PXDNL: variants seen among roughly 807,000 people sequenced by gnomAD.
The protein encoded by PXDNL is peroxidasin like.
In PXDNL, 145 loss-of-function variants were observed where a neutral mutation model predicts 150.8. That is an observed-to-expected ratio of 0.96 (90% CI 0.84 to 1.10). PXDNL has a LOEUF of 1.10. Among genes scored for constraint, PXDNL ranks in the 50% least tolerant of loss-of-function variants. The pLI is 0.00. For synonymous variants in PXDNL, 757 were observed against 725.7 expected, an observed-to-expected ratio of 1.04 and a Z score of -0.69; for missense variants, 2,087 against 1,873.9, an observed-to-expected ratio of 1.11 and a Z score of -2.10.
chr8:51,724,267 A>C (rs1162371620), intron 1 of PXDNL, among the ~76,000 whole-genome samples: 1 of 152,146 alleles, frequency 6.6e-6, no homozygotes, highest in Non-Finnish European at 1.5e-5. Flanking sequence ...GCGTATGTAG[A>C]GAAAGGATCC....
At chr8:51,758,767 A>G (rs934858998) in intron 1 of PXDNL, among the ~76,000 whole-genome samples, 1 of 152,184 alleles carries the variant, frequency 6.6e-6, no homozygotes, top group African/African-American at 2.4e-5. Flanking sequence ...CTGTGAGTCA[A>G]TTAAACCTCT....
chr8:51,354,429 T>C lies in PXDNL; in HGVS notation c.3902-8482A>G, dbSNP rs1027511744. Among the ~76,000 whole-genome samples the C allele has an allele frequency of 5.9e-5, 9 of 152,200 alleles. No individual in the cohort carries two copies. The East Asian group carries it at 1.2e-3, about 20-fold the overall frequency. On this transcript the variant is annotated intron_variant, in intron 19 of 22. Transcript: ENST00000356297. ...TGCACCTGCAATGCCTAAAGTATTA[T>C]GCGAACACTCTTGATCCTACTGATT...
chr8:51,741,730 A>G (rs1327685566), intron 1 of PXDNL, among the ~76,000 whole-genome samples: 1 of 152,218 alleles, frequency 6.6e-6, no homozygotes, highest in Non-Finnish European at 1.5e-5. Context: ...ATTAAAATAA[A>G]AGATTGTAGT....
chr8:51,761,568 T>G (rs913364148), intron 1 of PXDNL, among the ~76,000 whole-genome samples: 4 of 152,308 alleles, frequency 2.6e-5, no homozygotes, highest in African/African-American at 9.6e-5. Flanking sequence ...TAACGTATAT[T>G]TACAACAAAA....
At chr8:51,626,099 A>G (rs1814355937) in intron 2 of PXDNL, among the ~76,000 whole-genome samples, 1 of 152,230 alleles carries the variant, frequency 6.6e-6, no homozygotes, top group African/African-American at 2.4e-5. Context: ...GCTAATCACC[A>G]CTATCAAATG....
chr8:51,508,576 C>T (rs2130330887), intron 4 of PXDNL, among the ~76,000 whole-genome samples: 1 of 152,304 alleles, frequency 6.6e-6, no homozygotes, highest in Non-Finnish European at 1.5e-5. Flanking sequence ...CCTTCTCTTT[C>T]CCCAGCCTCC....
intron 1 of PXDNL, among the ~76,000 whole-genome samples, chr8:51,807,088 G>GTC (rs2037684706): frequency 6.6e-6 from 1 of 151,746 alleles, no homozygotes; most frequent in African/African-American, 2.4e-5. Context: ...AACCAATAGG[G>GTC]TGAAGAGTGC....
At chr8:51,389,091 G>T (rs1348563709) in intron 17 of PXDNL, among the ~76,000 whole-genome samples, 1 of 151,774 alleles carries the variant, frequency 6.6e-6, no homozygotes, top group African/African-American at 2.4e-5. Flanking sequence ...CTACATATTT[G>T]CTGAAATGAA....
At chr8:51,364,053 T>C (rs1806836592) in intron 19 of PXDNL, among the ~76,000 whole-genome samples, 1 of 152,226 alleles carries the variant, frequency 6.6e-6, no homozygotes, top group Admixed American at 6.5e-5. Context: ...AGTTGACACC[T>C]TTATTATGTC....
At position 51,374,658 on chromosome 8, in the gene PXDNL, C is replaced by T. The variant is rs770475288; in HGVS notation, c.3631G>A (p.Val1211Met). The T allele has an allele frequency of 9.9e-6, 16 of 1,613,916 alleles. No individual in the cohort carries two copies. Among genetic ancestry groups the T allele is most frequent in the Admixed American group, 3.3e-5 (2 of 60,018 alleles). Residue 1211 changes from valine (V) to methionine (M), a missense_variant, in exon 18 of 23, where the codon GTG becomes ATG. Physicochemically the swap from Val to Met is conservative, Grantham distance 21. Coordinates refer to ENST00000356297, the MANE Select transcript of PXDNL (RefSeq NM_144651.5). ...MVEDLIPGTR[V>M]GPTLMCLFVT... is the part of the protein sequence containing the mutation. ...AACAGGCACATAAGTGTTGGTCCCA[C>T]TCTTGTACCAGGAATCAGGTCTTCA...
intron 1 of PXDNL, among the ~76,000 whole-genome samples, chr8:51,685,739 T>A (rs1815859594): frequency 6.6e-6 from 1 of 152,180 alleles, no homozygotes; most frequent in Non-Finnish European, 1.5e-5. Context: ...GAACCTCATC[T>A]CCCTTATTCA....
intron 1 of PXDNL, among the ~76,000 whole-genome samples, chr8:51,776,207 T>C (rs2037351686): frequency 6.6e-6 from 1 of 152,212 alleles, no homozygotes; most frequent in African/African-American, 2.4e-5. Context: ...ATTTTAATTT[T>C]GCCCCAGTCC....
At chr8:51,526,034 T>C (rs1056044878) in intron 4 of PXDNL, among the ~76,000 whole-genome samples, 1 of 152,194 alleles carries the variant, frequency 6.6e-6, no homozygotes, top group Non-Finnish European at 1.5e-5. Flanking sequence ...TGAAATTTTT[T>C]GCATGTATAG....
intron 2 of PXDNL, among the ~76,000 whole-genome samples, chr8:51,630,022 A>T (rs116221968): frequency 0.021 from 3,152 of 152,286 alleles, 113 homozygotes; most frequent in African/African-American, 0.073. Context: ...GCATTACATT[A>T]TCCAACTTCA....
chr8:51,707,636 A>G (rs1375937985), intron 1 of PXDNL, among the ~76,000 whole-genome samples: 1 of 152,192 alleles, frequency 6.6e-6, no homozygotes, highest in Non-Finnish European at 1.5e-5. Context: ...ATTTGTCTTG[A>G]ATAATTGAAA....
chr8:51,776,359 C>A (rs963687838), intron 1 of PXDNL, among the ~76,000 whole-genome samples: 1 of 152,092 alleles, frequency 6.6e-6, no homozygotes, highest in Non-Finnish European at 1.5e-5. Flanking sequence ...GCTGGTTTTG[C>A]GGGTTGGGGG....
intron 1 of PXDNL, among the ~76,000 whole-genome samples, chr8:51,719,553 T>G (rs1411849345): frequency 6.6e-6 from 1 of 152,052 alleles, no homozygotes; most frequent in Non-Finnish European, 1.5e-5. Context: ...CTTTGTTCAC[T>G]TGTTTATCTG....
At chr8:51,342,370 T>C (rs1384150547) in intron 20 of PXDNL, among the ~76,000 whole-genome samples, 1 of 151,910 alleles carries the variant, frequency 6.6e-6, no homozygotes, top group Non-Finnish European at 1.5e-5. Context: ...TACAAATAGG[T>C]TTTTTCCATA....
chr8:51,478,310 T>G (rs927257687), intron 6 of PXDNL, among the ~76,000 whole-genome samples: 1 of 152,148 alleles, frequency 6.6e-6, no homozygotes, highest in African/African-American at 2.4e-5. Context: ...GTATAATAAA[T>G]AAAAGCCCTC....
Sources: gnomAD v4.1 joint callset for allele counts (sites outside exome capture counted in the v4.1 genomes callset) on GRCh38, gnomAD v4.1.1 for gene constraint, MANE v1.5 for transcripts, NCBI Gene and HGNC (gene_info 2026-07-23, HGNC 2026-07-21) for gene names.